The following ERBB4 variants were observed in gnomAD, a reference collection of about 807,000 sequenced individuals.
ERBB4 encodes erb-b2 receptor tyrosine kinase 4.
ERBB4 carries 42 observed loss-of-function variants against 158.0 expected under a neutral mutation model. The ratio of observed to expected loss-of-function variants is 0.27; its 90% CI spans 0.21 to 0.34. ERBB4 has a LOEUF of 0.34. Ranked by LOEUF, ERBB4 falls within the 10% of genes least tolerant of loss-of-function variation. The pLI is 1.00. For missense variants in ERBB4, 1,333 were observed against 1,624.1 expected (o/e 0.82, Z 3.08); for synonymous variants, 583 against 558.7 (o/e 1.04, Z -0.61).
chr2:211,896,030 C>A (rs539922280), intron 3 of ERBB4, among the ~76,000 whole-genome samples: 12 of 152,072 alleles, frequency 7.9e-5, no homozygotes, highest in Non-Finnish European at 1.8e-4. Context: ...TGTTGGTAGG[C>A]CCCAAGGTCA....
intron 1 of ERBB4, among the ~76,000 whole-genome samples, chr2:212,459,190 TTTGAG>T (rs1258550834): frequency 6.6e-6 from 1 of 152,140 alleles, no homozygotes; most frequent in African/African-American, 2.4e-5. Flanking sequence ...GTTTGTACTC[TTTGAG>T]TTGTTTTTTT....
In ERBB4 at chr2:212,154,386, C is replaced by T. The variant is rs550315420; in HGVS notation, c.83-29483G>A. On this transcript the variant is annotated intron_variant, in intron 1 of 27. Transcript: ENST00000342788. ...AGCTGGGGATTTTATCTACAAATGGCACACACACACTGGGGAGGTGTCCTT... is the reference window on the plus strand; with the variant it reads ...AGCTGGGGATTTTATCTACAAATGGTACACACACACTGGGGAGGTGTCCTT... Among the ~76,000 whole-genome samples the T allele has an allele frequency of 4.6e-5, 7 of 152,124 alleles. No individual in the cohort carries two copies. The East Asian group carries it at 1.3e-3, about 29-fold the overall frequency.
At chr2:211,845,080 G>T (rs1397200039) in intron 3 of ERBB4, among the ~76,000 whole-genome samples, 2 of 152,134 alleles carry the variant, frequency 1.3e-5, no homozygotes, top group Non-Finnish European at 2.9e-5. Context: ...CTCAAAGAGA[G>T]TGGGCTCTGT....
At chr2:212,096,278 T>G (rs2078930576) in intron 2 of ERBB4, among the ~76,000 whole-genome samples, 1 of 131,090 alleles carries the variant, frequency 7.6e-6, no homozygotes. Context: ...TTTTAGAACT[T>G]TAGTAGATTG....
chr2:211,734,192 C>T (rs2074525691), intron 5 of ERBB4, among the ~76,000 whole-genome samples: 1 of 151,892 alleles, frequency 6.6e-6, no homozygotes, highest in African/African-American at 2.4e-5. Context: ...CCATCAAGTC[C>T]AAATTTCTCA....
chr2:211,814,245 C>T (rs568568880), intron 3 of ERBB4, among the ~76,000 whole-genome samples: 1 of 152,098 alleles, frequency 6.6e-6, no homozygotes, highest in Non-Finnish European at 1.5e-5. Context: ...AAATTCTAAA[C>T]TTCACTTTCT....
intron 3 of ERBB4, among the ~76,000 whole-genome samples, chr2:211,940,654 A>C (rs556329941): frequency 6.6e-6 from 1 of 152,250 alleles, no homozygotes; most frequent in East Asian, 1.9e-4. Flanking sequence ...AAGGGGTCAT[A>C]AATTAAGGGA....
intron 1 of ERBB4, among the ~76,000 whole-genome samples, chr2:212,246,643 G>T (rs1413712576): frequency 6.6e-6 from 1 of 152,094 alleles, no homozygotes; most frequent in African/African-American, 2.4e-5. Flanking sequence ...AGAAATAATT[G>T]ACAGCTCTAG....
At chr2:212,243,154 C>T (rs777603556) in intron 1 of ERBB4, among the ~76,000 whole-genome samples, 4 of 152,050 alleles carry the variant, frequency 2.6e-5, no homozygotes, top group South Asian at 2.1e-4. Context: ...TGGCACAGAA[C>T]GGGTTCTTCC....
chr2:212,496,238 A>G (rs957706889), intron 1 of ERBB4, among the ~76,000 whole-genome samples: 1 of 151,928 alleles, frequency 6.6e-6, no homozygotes, highest in Non-Finnish European at 1.5e-5. Context: ...GAATCAGTCT[A>G]AATATGGAAC....
Position 211,378,883 on chromosome 2 carries a change from GTTTCT to G in ERBB4, c.*4727_*4731del. On this transcript the variant is annotated 3_prime_UTR_variant, in exon 28 of 28. Coordinates refer to ENST00000342788, the MANE Select transcript of ERBB4 (RefSeq NM_005235.3). ...ATATACAGTAGAAGTTAATTTATCT[GTTTCT>G]TTTTTTTTTTTTAACAACTAGAAGC... The G allele has an allele frequency of 6.3e-6, 1 of 159,220 alleles. No individual in the cohort carries two copies. The highest frequency in any genetic ancestry group is 9.1e-5 in the Admixed American group (1 of 10,966). 9.9% of individuals were successfully genotyped at this position (159,220 alleles called of 1,614,324 possible).
intron 17 of ERBB4, among the ~76,000 whole-genome samples, chr2:211,625,754 T>A (rs2069819786): frequency 6.6e-6 from 1 of 152,174 alleles, no homozygotes; most frequent in Non-Finnish European, 1.5e-5. Context: ...AACTTATGAA[T>A]CATTTTTAAA....
At chr2:211,660,415 T>C (rs891816614) in intron 15 of ERBB4, among the ~76,000 whole-genome samples, 1 of 152,222 alleles carries the variant, frequency 6.6e-6, no homozygotes, top group African/African-American at 2.4e-5. Flanking sequence ...AAAAGAGCAG[T>C]TGATTCATGA....
At chr2:212,085,273 T>C (rs976826328) in intron 2 of ERBB4, among the ~76,000 whole-genome samples, 1 of 151,986 alleles carries the variant, frequency 6.6e-6, no homozygotes, top group African/African-American at 2.4e-5. Context: ...TTTGAAATTA[T>C]TTAAGGCCAG....
intron 16 of ERBB4, among the ~76,000 whole-genome samples, chr2:211,639,512 G>C (rs779671897): frequency 3.9e-5 from 6 of 152,112 alleles, no homozygotes; most frequent in Non-Finnish European, 8.8e-5. Context: ...CACCATTCTT[G>C]TTCCCATATT....
chr2:211,990,474 T>C (rs1226663430), intron 2 of ERBB4, among the ~76,000 whole-genome samples: 1 of 151,742 alleles, frequency 6.6e-6, no homozygotes, highest in Admixed American at 6.6e-5. Context: ...GTGCTTACTA[T>C]GTGCATATCA....
Position 212,091,494 on chromosome 2 carries a change from T to C in ERBB4, c.234+33258A>G, listed in dbSNP as rs1330012099. Among the ~76,000 whole-genome samples the C allele has an allele frequency of 2.0e-5, 3 of 152,140 alleles. No homozygotes were observed. In the South Asian group the frequency reaches 6.2e-4, roughly 31 times the overall value. ...AGGAATTGAGGTAGGGCAAATTTAC[T>C]TGCAGTATTGTAACTCCCTCTTAAC... is the stretch of plus-strand genomic sequence containing the variant. On this transcript the variant is annotated intron_variant, in intron 2 of 27. Transcript: ENST00000342788.
At chr2:211,806,794 CAT>C (rs1241865692) in intron 3 of ERBB4, among the ~76,000 whole-genome samples, 2 of 152,094 alleles carry the variant, frequency 1.3e-5, no homozygotes, top group African/African-American at 2.4e-5. Context: ...TAAATATAAT[CAT>C]AGTACATTCT....
At chr2:211,709,265 A>ATG (rs1559443096) in intron 9 of ERBB4, among the ~76,000 whole-genome samples, 6 of 143,978 alleles carry the variant, frequency 4.2e-5, no homozygotes, top group African/African-American at 1.3e-4. Context: ...ATATATATAT[A>ATG]TATATATATA....
Sources: gnomAD v4.1 joint callset for allele counts (sites outside exome capture counted in the v4.1 genomes callset) on GRCh38, gnomAD v4.1.1 for gene constraint, MANE v1.5 for transcripts, NCBI Gene and HGNC (gene_info 2026-07-23, HGNC 2026-07-21) for gene names.